Variants in RPS6KC1 observed in about 807,000 individuals in gnomAD.
The protein encoded by RPS6KC1 is inactive ribosomal protein S6 kinase delta-1.
Under a neutral mutation model 103.8 loss-of-function variants are expected in RPS6KC1, and 54 were observed. That is an observed-to-expected ratio of 0.52 (90% CI 0.42 to 0.65). RPS6KC1 has a LOEUF of 0.65. Ranked by LOEUF, RPS6KC1 falls within the 30% of genes least tolerant of loss-of-function variation. The pLI, the probability that RPS6KC1 is intolerant of heterozygous loss-of-function variation, is 0.00. For missense variants in RPS6KC1, 1,151 were observed against 1,253.8 expected (o/e 0.92, Z 1.24); for synonymous variants, 439 against 438.7 (o/e 1.00, Z -0.01).
At chr1:213,250,874 G>A in intron 12 of RPS6KC1, among the ~76,000 whole-genome samples, 1 of 152,154 alleles carries the variant, frequency 6.6e-6, no homozygotes, top group East Asian at 1.9e-4. Context: ...GCTAGGTAGT[G>A]TAGTTGTCCT....
chr1:213,698,749 G>T, the RPS6KC1 span, among the ~76,000 whole-genome samples: 1 of 151,922 alleles, frequency 6.6e-6, no homozygotes, highest in Non-Finnish European at 1.5e-5. Flanking sequence ...TCTTTTTGGG[G>T]AACTGCAATT....
the RPS6KC1 span, among the ~76,000 whole-genome samples, chr1:213,611,956 GT>G: frequency 3.3e-5 from 5 of 152,352 alleles, no homozygotes; most frequent in Non-Finnish European, 4.4e-5. Flanking sequence ...TAGTAAGCCT[GT>G]GATGAATTTG....
chr1:213,203,903 C>T (rs2093255577), intron 8 of RPS6KC1, among the ~76,000 whole-genome samples: 2 of 152,168 alleles, frequency 1.3e-5, no homozygotes, highest in South Asian at 4.1e-4. Flanking sequence ...TCCTTTTCTA[C>T]CTTTCCCATC....
At chr1:213,808,189 G>T in the RPS6KC1 span, among the ~76,000 whole-genome samples, 2 of 86,930 alleles carry the variant, frequency 2.3e-5, no homozygotes, top group Non-Finnish European at 3.6e-5. Flanking sequence ...TGCCCCTACT[G>T]GGGGGGTGCC....
chr1:213,784,992 AGG>A, the RPS6KC1 span, among the ~76,000 whole-genome samples: 1 of 152,192 alleles, frequency 6.6e-6, no homozygotes, highest in African/African-American at 2.4e-5. Context: ...AAATGGAAAA[AGG>A]GTGAAGCTGC....
the RPS6KC1 span, among the ~76,000 whole-genome samples, chr1:213,335,974 A>T: frequency 1.3e-5 from 2 of 152,166 alleles, no homozygotes; most frequent in Non-Finnish European, 2.9e-5. Context: ...ATTTTTTAGG[A>T]GACTCCAATA....
chr1:213,713,230 G>A, the RPS6KC1 span, among the ~76,000 whole-genome samples: 1 of 151,990 alleles, frequency 6.6e-6, no homozygotes, highest in Admixed American at 6.6e-5. Context: ...GCCAATATTT[G>A]GCCATTTTTG....
chr1:213,862,430 G>A, the RPS6KC1 span, among the ~76,000 whole-genome samples: 1 of 152,194 alleles, frequency 6.6e-6, no homozygotes, highest in African/African-American at 2.4e-5. Context: ...TCTAAGGGGA[G>A]AGGAGAGGGC....
the RPS6KC1 span, among the ~76,000 whole-genome samples, chr1:213,785,684 A>G: frequency 0.016 from 2,508 of 152,262 alleles, 32 homozygotes; most frequent in East Asian, 0.059. Flanking sequence ...AAGACCTGAT[A>G]GAGTGGTCAA....
downstream of RPS6KC1, among the ~76,000 whole-genome samples, chr1:213,276,451 A>G (rs1220296298): frequency 6.6e-6 from 1 of 152,196 alleles, no homozygotes; most frequent in Non-Finnish European, 1.5e-5. Flanking sequence ...TGTCCTGGTC[A>G]TGTCTCTGTG....
chr1:213,701,704 TCACTCATTGCAGC>T, the RPS6KC1 span, among the ~76,000 whole-genome samples: 1 of 152,044 alleles, frequency 6.6e-6, no homozygotes, highest in African/African-American at 2.4e-5. Context: ...TAGCATATAG[TCACTCATTGCAGC>T]CACTAATGAT....
intron 12 of RPS6KC1, 49 bp downstream of exon 12, chr1:213,242,707 C>T: frequency 1.5e-6 from 2 of 1,297,900 alleles, no homozygotes; most frequent in South Asian, 1.3e-5. Context: ...GGTTCGGCAG[C>T]TCTCATTTCT....
At chr1:213,844,685 T>G in the RPS6KC1 span, among the ~76,000 whole-genome samples, 1 of 152,308 alleles carries the variant, frequency 6.6e-6, no homozygotes, top group Middle Eastern at 3.4e-3. Context: ...ACAGGCATTT[T>G]TTATGTGATG....
chr1:213,240,768 A>G lies in RPS6KC1; in HGVS notation c.1292A>G (p.Lys431Arg). ...AGTCCTGAAGAAAGCTTTGACATCA[A>G]GGAAGTGAAAAAACCTACACTTGCA... ...NRSPEESFDIKEVKKPTLAKV... is the reference protein window; with the variant it reads ...NRSPEESFDIREVKKPTLAKV... The change falls in exon 11 of 15, where the codon AAG becomes AGG. Residue 431 changes from lysine (K) to arginine (R), a missense_variant. Lys to Arg is a conservative substitution (Grantham distance 26, BLOSUM62 2). Around this residue, in one of 3 missense-constraint regions of RPS6KC1, gnomAD observed 959 missense variants for 1,006.3 expected, o/e 0.95. Coordinates refer to ENST00000366960, the MANE Select transcript of RPS6KC1 (RefSeq NM_012424.6). 6.2e-7 allele frequency: 1 copy of G among 1,613,856 alleles called. No individual in the cohort carries two copies. The highest frequency in any genetic ancestry group is 8.5e-7 in the Non-Finnish European group (1 of 1,179,812).
the RPS6KC1 span, among the ~76,000 whole-genome samples, chr1:213,615,922 G>A: frequency 6.6e-6 from 1 of 152,242 alleles, no homozygotes. Context: ...TTCTGGGGGA[G>A]GGGTAGGTAG....
rs115948238 is a variant in RPS6KC1, at chr1:213,080,791, C to T, written c.262+2975C>T. 7.0e-3 allele frequency among the ~76,000 whole-genome samples: 1,067 copies of T among 152,296 alleles called. 14 individuals are homozygous for T. Among genetic ancestry groups the T allele is most frequent in the African/African-American group, 0.024 (1,011 of 41,570 alleles). Reference sequence around the variant, plus strand: ...TTTTGCCCAGGCTGGTCTTTAACACCTGTGCTCAGGCAATCCTCCTGCCTC... The same window carrying T: ...TTTTGCCCAGGCTGGTCTTTAACACTTGTGCTCAGGCAATCCTCCTGCCTC... On this transcript the variant is annotated intron_variant, in intron 3 of 14. Coordinates refer to ENST00000366960, the MANE Select transcript of RPS6KC1 (RefSeq NM_012424.6).
At chr1:213,356,415 G>A in the RPS6KC1 span, among the ~76,000 whole-genome samples, 7 of 152,014 alleles carry the variant, frequency 4.6e-5, 1 homozygote, top group Admixed American at 3.9e-4. Context: ...CAGCACTTTG[G>A]GAGGCCGAGG....
chr1:213,105,079 T>C (rs1415529543), intron 4 of RPS6KC1, among the ~76,000 whole-genome samples: 1 of 152,148 alleles, frequency 6.6e-6, no homozygotes, highest in Non-Finnish European at 1.5e-5. Context: ...AATTTGTTAT[T>C]ATGTTGACTT....
chr1:213,354,595 G>A, the RPS6KC1 span, among the ~76,000 whole-genome samples: 3 of 152,272 alleles, frequency 2.0e-5, no homozygotes, highest in Non-Finnish European at 2.9e-5. Flanking sequence ...AAGGTCAAGG[G>A]GCTGCATCTG....
Sources: gnomAD v4.1 joint callset for allele counts (sites outside exome capture counted in the v4.1 genomes callset) on GRCh38, gnomAD v4.1.1 for gene constraint, gnomAD v4.1.1 regional missense constraint, MANE v1.5 for transcripts, NCBI Gene and HGNC (gene_info 2026-07-23, HGNC 2026-07-21) for gene names.